ARHGEF4: variants seen among roughly 807,000 people sequenced by gnomAD.
ARHGEF4 encodes the protein APC-stimulated guanine nucleotide exchange factor 1.
A neutral mutation model predicts 162.0 loss-of-function variants in ARHGEF4; 119 were observed. The ratio of observed to expected loss-of-function variants is 0.73; its 90% CI spans 0.63 to 0.86. The LOEUF is 0.86. ARHGEF4 is among the 40% of genes least tolerant of loss of function. The pLI, the probability that ARHGEF4 is intolerant of heterozygous loss-of-function variation, is 0.00. For missense variants in ARHGEF4, 2,488 were observed against 2,456.0 expected (o/e 1.01, Z -0.28); for synonymous variants, 1,014 against 979.9 (o/e 1.03, Z -0.65).
chr2:130,973,653 A>G (rs1047178092), intron 4 of ARHGEF4, among the ~76,000 whole-genome samples: 1 of 152,138 alleles, frequency 6.6e-6, no homozygotes, highest in African/African-American at 2.4e-5. Flanking sequence ...ATACAGCATA[A>G]CATTTCCAAA....
intron 4 of ARHGEF4, among the ~76,000 whole-genome samples, chr2:131,008,721 T>G (rs1316934325): frequency 6.6e-6 from 1 of 152,146 alleles, no homozygotes; most frequent in East Asian, 1.9e-4. Flanking sequence ...TGAAGATTAT[T>G]TTATATATAC....
intron 4 of ARHGEF4, among the ~76,000 whole-genome samples, chr2:130,949,909 A>C (rs1039848451): frequency 4.6e-5 from 7 of 152,230 alleles, no homozygotes; most frequent in African/African-American, 1.7e-4. Context: ...TCAGTTTCCC[A>C]AAGTGCTGGA....
At chr2:131,036,524 G>A (rs1690297201) in intron 5 of ARHGEF4, among the ~76,000 whole-genome samples, 1 of 152,208 alleles carries the variant, frequency 6.6e-6, no homozygotes, top group Non-Finnish European at 1.5e-5. Context: ...TGGCCTCTCT[G>A]TGAAGCCCTC....
In ARHGEF4 at chr2:130,931,248, T is replaced by C; in HGVS notation, c.3849T>C (p.Asp1283=). The C allele has an allele frequency of 6.2e-7, 1 of 1,607,016 alleles. No individual in the cohort carries two copies. The highest frequency in any genetic ancestry group is 8.5e-7 in the Non-Finnish European group (1 of 1,175,098). The change falls in exon 3 of 14, where the codon GAT becomes GAC. Residue 1283 remains aspartate, a synonymous_variant. Coordinates refer to ENST00000409359, the MANE Select transcript of ARHGEF4 (RefSeq NM_001367493.1). ...TGCACATAGGGGCAGTGCACAAAGATGGAGTCAAGGTAAGCCACTCCCGGC... is the reference window on the plus strand; with the variant it reads ...TGCACATAGGGGCAGTGCACAAAGACGGAGTCAAGGTAAGCCACTCCCGGC... ...RRLHIGAVHK[D]GVKCWRKTII...
Position 130,941,723 on chromosome 2 carries a change from A to T in ARHGEF4, c.3859-4786A>T, listed in dbSNP as rs57170207. 1.2e-4 allele frequency among the ~76,000 whole-genome samples: 18 copies of T among 152,312 alleles called. No homozygotes were observed. In the East Asian group the frequency reaches 3.5e-3, roughly 29 times the overall value. On this transcript the variant is annotated intron_variant, in intron 3 of 13. Transcript: ENST00000409359. Reference sequence around the variant, plus strand: ...ATATATTTACTATTTACTCACTGGAAGCGGGTTGTCATAAAGGTCTTCATC... The same window carrying T: ...ATATATTTACTATTTACTCACTGGATGCGGGTTGTCATAAAGGTCTTCATC...
At chr2:131,042,037 G>A in intron 10 of ARHGEF4, 93 bp downstream of exon 10, 1 of 1,480,446 alleles carries the variant, frequency 6.8e-7, no homozygotes, top group Non-Finnish European at 9.0e-7. Flanking sequence ...GGGAGCTGAA[G>A]CAGGGAGCTG....
intron 4 of ARHGEF4, among the ~76,000 whole-genome samples, chr2:130,984,734 G>T (rs187060663): frequency 1.9e-4 from 29 of 150,442 alleles, no homozygotes; most frequent in Admixed American, 1.9e-3. Context: ...AATTTCCCAT[G>T]ACTATATCAG....
chr2:130,989,508 T>C (rs1270426946), intron 4 of ARHGEF4, among the ~76,000 whole-genome samples: 1 of 152,240 alleles, frequency 6.6e-6, no homozygotes, highest in Non-Finnish European at 1.5e-5. Flanking sequence ...AAGCATTTCA[T>C]ATTTTTAGCA....
At chr2:131,027,592 T>G (rs544963377) in intron 4 of ARHGEF4, among the ~76,000 whole-genome samples, 1 of 152,348 alleles carries the variant, frequency 6.6e-6, no homozygotes, top group South Asian at 2.1e-4. Flanking sequence ...TGTTAACATT[T>G]TTCCTAAGGG....
chr2:130,964,434 T>G (rs1028749736), intron 4 of ARHGEF4, among the ~76,000 whole-genome samples: 2 of 152,240 alleles, frequency 1.3e-5, no homozygotes, highest in Non-Finnish European at 2.9e-5. Flanking sequence ...GGTTTCCTTC[T>G]GATTCCCACT....
intron 4 of ARHGEF4, among the ~76,000 whole-genome samples, chr2:131,007,438 T>TA (rs1228924322): frequency 6.6e-6 from 1 of 152,236 alleles, no homozygotes; most frequent in Non-Finnish European, 1.5e-5. Flanking sequence ...CCTTACTTTT[T>TA]ATAGGCTAGG....
chr2:130,890,879 T>C (rs1372303771), intron 1 of ARHGEF4, among the ~76,000 whole-genome samples: 1 of 152,196 alleles, frequency 6.6e-6, no homozygotes, highest in Non-Finnish European at 1.5e-5. Context: ...TGCGGTATCA[T>C]GTCTCTCGAA....
chr2:130,940,456 C>T (rs1348945461), intron 3 of ARHGEF4, among the ~76,000 whole-genome samples: 4 of 151,650 alleles, frequency 2.6e-5, no homozygotes, highest in Non-Finnish European at 5.9e-5. Flanking sequence ...CCACCATGCC[C>T]GACTAATTTT....
intron 3 of ARHGEF4, among the ~76,000 whole-genome samples, chr2:130,944,091 A>G (rs1683468268): frequency 6.6e-6 from 1 of 152,174 alleles, no homozygotes. Flanking sequence ...GTGATTTAGC[A>G]CTTTACAAAT....
chr2:131,043,697 C>G (rs1690997732), intron 11 of ARHGEF4, 114 bp downstream of exon 11: 12 of 1,468,778 alleles, frequency 8.2e-6, no homozygotes, highest in Non-Finnish European at 1.1e-5. Context: ...ACCCGGGGAG[C>G]CTGGCCAGAC....
At chr2:130,939,896 T>C (rs1436747270) in intron 3 of ARHGEF4, among the ~76,000 whole-genome samples, 10 of 152,242 alleles carry the variant, frequency 6.6e-5, no homozygotes, top group African/African-American at 2.2e-4. Flanking sequence ...TGATTTTTAG[T>C]ATATGGAAAT....
rs149365221 is a variant in ARHGEF4 at position 130,914,076 on chromosome 2, T to C, written c.130T>C (p.Trp44Arg). 3.9e-6 allele frequency: 6 copies of C among 1,535,976 alleles called. No homozygotes were observed. In the African/African-American group the frequency reaches 5.5e-5, roughly 14 times the overall value. The change falls in exon 2 of 14, where the codon TGG (tryptophan) becomes CGG (arginine). Residue 44 changes from tryptophan to arginine, a missense_variant. Physicochemically the swap from Trp to Arg is moderately radical, Grantham distance 101. Coordinates refer to ENST00000409359, the MANE Select transcript of ARHGEF4 (RefSeq NM_001367493.1). ...CCCTGCAGAACAAGTGGAGCAGGGATGGAACCAGCAAACAGACCGCGATGA... is the reference window on the plus strand; with the variant it reads ...CCCTGCAGAACAAGTGGAGCAGGGACGGAACCAGCAAACAGACCGCGATGA... ...TSPAEQVEQG[W>R]NQQTDRDDSE...
intron 1 of ARHGEF4, among the ~76,000 whole-genome samples, chr2:130,844,403 G>A (rs1210924860): frequency 6.6e-6 from 1 of 152,230 alleles, no homozygotes; most frequent in Non-Finnish European, 1.5e-5. Context: ...GCACAGCCCT[G>A]TTGGCCAGAT....
intron 1 of ARHGEF4, among the ~76,000 whole-genome samples, chr2:130,850,199 AG>A (rs1208918835): frequency 2.0e-5 from 3 of 152,064 alleles, no homozygotes; most frequent in African/African-American, 4.8e-5. Flanking sequence ...TGCCCCAGGG[AG>A]GGGGCAGCCT....
Sources: gnomAD v4.1 joint callset for allele counts (sites outside exome capture counted in the v4.1 genomes callset) on GRCh38, gnomAD v4.1.1 for gene constraint, MANE v1.5 for transcripts, NCBI Gene and HGNC (gene_info 2026-07-23, HGNC 2026-07-21) for gene names.